Variants in CTNND2 observed in about 807,000 individuals in gnomAD.
CTNND2 encodes the protein catenin delta 2.
A neutral mutation model predicts 144.4 loss-of-function variants in CTNND2; 22 were observed. The observed-to-expected ratio is 0.15, with a 90% CI of 0.11 to 0.22. The LOEUF (loss-of-function observed/expected upper bound fraction) is 0.22, where lower values mean the gene tolerates loss of function less well. Among genes scored for constraint, CTNND2 ranks in the 10% least tolerant of loss-of-function variants. The pLI, the probability that CTNND2 is intolerant of heterozygous loss-of-function variation, is 1.00. For synonymous variants in CTNND2, 751 were observed against 695.6 expected, an observed-to-expected ratio of 1.08 and a Z score of -1.25; for missense variants, 1,353 against 1,618.8, an observed-to-expected ratio of 0.84 and a Z score of 2.82.
At chr5:11,077,524 T>C (rs1749075034) in intron 16 of CTNND2, among the ~76,000 whole-genome samples, 1 of 152,136 alleles carries the variant, frequency 6.6e-6, no homozygotes, top group Admixed American at 6.5e-5. Context: ...TCAGAAAATT[T>C]ATTAATTTCC....
intron 16 of CTNND2, among the ~76,000 whole-genome samples, chr5:11,028,442 G>A (rs962043731): frequency 2.0e-5 from 3 of 151,934 alleles, no homozygotes; most frequent in Non-Finnish European, 4.4e-5. Flanking sequence ...TTGATATTAT[G>A]TAGACTCATA....
intron 9 of CTNND2, among the ~76,000 whole-genome samples, chr5:11,317,230 T>C (rs1751605596): frequency 1.3e-5 from 2 of 152,192 alleles, no homozygotes; most frequent in African/African-American, 4.8e-5. Context: ...GAGCCCAGGG[T>C]CACACAGCTA....
chr5:11,303,371 A>T (rs1312232598), intron 9 of CTNND2, among the ~76,000 whole-genome samples: 3 of 152,228 alleles, frequency 2.0e-5, no homozygotes, highest in African/African-American at 7.2e-5. Flanking sequence ...CTGCACGCAG[A>T]TGGCCTTGTT....
chr5:11,384,909 G>A lies in CTNND2; in HGVS notation c.933C>T (p.Tyr311=). 6.2e-7 allele frequency: 1 copy of A among 1,608,106 alleles called. No homozygotes were observed. Among genetic ancestry groups the A allele is most frequent in the Non-Finnish European group, 8.5e-7 (1 of 1,178,196 alleles). Residue 311 remains tyrosine, a synonymous_variant, in exon 7 of 22, where the codon TAC becomes TAT. Transcript: ENST00000304623. This position sits in a 1 kb window ranked among gnomAD's most constrained non-coding sequence, Gnocchi z 5.2. The part of the protein sequence containing the change: ...KQSPSRLAKS[Y]STSSPINIVV... Reference sequence around the variant, plus strand: ...CGATGTTGATGGGCGAGCTGGTGCTGTAGGACTTGGCCAGGCGGCTGGGCG... The same window carrying A: ...CGATGTTGATGGGCGAGCTGGTGCTATAGGACTTGGCCAGGCGGCTGGGCG...
At chr5:11,330,242 CG>C (rs1482122475) in intron 9 of CTNND2, among the ~76,000 whole-genome samples, 1 of 147,982 alleles carries the variant, frequency 6.8e-6, no homozygotes, top group African/African-American at 2.5e-5. Context: ...GAGGCTGAGG[CG>C]GGCGGATCAC....
chr5:11,336,353 G>A (rs1753725039), intron 9 of CTNND2, among the ~76,000 whole-genome samples: 1 of 152,114 alleles, frequency 6.6e-6, no homozygotes, highest in African/African-American at 2.4e-5. Flanking sequence ...GTTGAACGTG[G>A]GTATGTGGAT....
intron 1 of CTNND2, among the ~76,000 whole-genome samples, chr5:11,841,633 A>C (rs1475504105): frequency 6.6e-6 from 1 of 152,174 alleles, no homozygotes; most frequent in Non-Finnish European, 1.5e-5. Flanking sequence ...CAGGAGATGG[A>C]AAGAGCGGGC....
At chr5:11,088,707 C>A (rs1176894036) in intron 15 of CTNND2, among the ~76,000 whole-genome samples, 1 of 152,116 alleles carries the variant, frequency 6.6e-6, no homozygotes, top group Non-Finnish European at 1.5e-5. Flanking sequence ...AGTCTTGCAA[C>A]TATAAGGCAA....
intron 2 of CTNND2, among the ~76,000 whole-genome samples, chr5:11,636,111 AC>A (rs796587341): frequency 9.8e-5 from 14 of 143,168 alleles, no homozygotes; most frequent in African/African-American, 3.7e-4. Flanking sequence ...AGGAAAACCC[AC>A]CCCCTTAAAT....
At chr5:11,440,332 C>A (rs1302627569) in intron 3 of CTNND2, among the ~76,000 whole-genome samples, 1 of 152,166 alleles carries the variant, frequency 6.6e-6, no homozygotes, top group Admixed American at 6.5e-5. Flanking sequence ...TGCTTTAATT[C>A]TCCTCAAGTT....
intron 1 of CTNND2, among the ~76,000 whole-genome samples, chr5:11,841,661 T>C (rs542924432): frequency 6.6e-6 from 1 of 152,154 alleles, no homozygotes; most frequent in South Asian, 2.1e-4. Context: ...GGTGGTGACA[T>C]TTCAGCAGGG....
At chr5:11,165,520 C>T (rs1049243005) in intron 11 of CTNND2, among the ~76,000 whole-genome samples, 1 of 152,126 alleles carries the variant, frequency 6.6e-6, no homozygotes, top group Non-Finnish European at 1.5e-5. Context: ...TGAAAATATG[C>T]TAATTCCTTC....
chr5:11,136,986 C>T (rs953136255), intron 12 of CTNND2, among the ~76,000 whole-genome samples: 8 of 152,220 alleles, frequency 5.3e-5, no homozygotes, highest in African/African-American at 1.9e-4. Flanking sequence ...ACTGATGTTA[C>T]CTGCTTACTG....
intron 18 of CTNND2, among the ~76,000 whole-genome samples, chr5:11,010,878 A>G (rs1741005463): frequency 6.6e-6 from 1 of 152,274 alleles, no homozygotes; most frequent in Admixed American, 6.5e-5. Flanking sequence ...TGACAATAAA[A>G]GGAAGGACAT....
chr5:11,798,913 T>C (rs1374838674), intron 1 of CTNND2, among the ~76,000 whole-genome samples: 1 of 152,204 alleles, frequency 6.6e-6, no homozygotes, highest in African/African-American at 2.4e-5. Context: ...TTTAAAATGT[T>C]TGTGCTCTTT....
chr5:11,160,616 C>T (rs1038322326), intron 11 of CTNND2, among the ~76,000 whole-genome samples: 14 of 152,048 alleles, frequency 9.2e-5, no homozygotes, highest in African/African-American at 2.7e-4. Flanking sequence ...AAAAAAGGAA[C>T]AGAGAATAAC....
chr5:11,887,965 T>A (rs1479939632), intron 1 of CTNND2, among the ~76,000 whole-genome samples: 1 of 152,244 alleles, frequency 6.6e-6, no homozygotes, highest in African/African-American at 2.4e-5. Flanking sequence ...GTAGATTTTT[T>A]TAATTGACAC....
At chr5:10,978,914 T>C (rs1371876036) in intron 21 of CTNND2, among the ~76,000 whole-genome samples, 1 of 152,246 alleles carries the variant, frequency 6.6e-6, no homozygotes, top group African/African-American at 2.4e-5. Flanking sequence ...CTTAGAGCCA[T>C]TATAGACTGT....
intron 2 of CTNND2, among the ~76,000 whole-genome samples, chr5:11,620,576 C>T (rs1780781543): frequency 6.6e-6 from 1 of 152,142 alleles, no homozygotes; most frequent in Admixed American, 6.6e-5. Flanking sequence ...GTCCGTATAG[C>T]CTGGAATATC....
Sources: allele counts gnomAD v4.1 joint callset (sites outside exome capture counted in the v4.1 genomes callset), GRCh38; gene constraint gnomAD v4.1.1; non-coding constraint Gnocchi (gnomAD v3.1); transcripts MANE v1.5; gene names NCBI Gene and HGNC (gene_info 2026-07-23, HGNC 2026-07-21).